LRCH3: variants seen among roughly 807,000 people sequenced by gnomAD.
The protein encoded by LRCH3 is DISP complex protein LRCH3.
A neutral mutation model predicts 104.5 loss-of-function variants in LRCH3; 68 were observed. That is an observed-to-expected ratio of 0.65 (90% CI 0.54 to 0.80). The LOEUF is 0.80. LRCH3 is among the 30% of genes least tolerant of loss of function. LRCH3 has a pLI of 0.00. For synonymous variants in LRCH3, 344 were observed against 361.3 expected, an observed-to-expected ratio of 0.95 and a Z score of 0.54; for missense variants, 951 against 953.9, an observed-to-expected ratio of 1.00 and a Z score of 0.04.
chr3:197,812,503 A>AGTTTTT (rs1560530826), intron 1 of LRCH3, among the ~76,000 whole-genome samples: 4 of 8,584 alleles, frequency 4.7e-4, no homozygotes, highest in African/African-American at 1.5e-3. Context: ...CTCTGCTTTC[A>AGTTTTT]GTTTTTTTTT....
Position 197,885,095 on chromosome 3 carries a change from A to G in LRCH3, c.*1429A>G, listed in dbSNP as rs1290134144. Reference sequence around the variant, plus strand: ...TTCCAAACCCCGTTATCTAGACATTATCAACAACAAGCCCTCTCTCTATAC... The same window carrying G: ...TTCCAAACCCCGTTATCTAGACATTGTCAACAACAAGCCCTCTCTCTATAC... On this transcript the variant is annotated 3_prime_UTR_variant, in exon 21 of 21. Coordinates refer to ENST00000425562, the MANE Select transcript of LRCH3 (RefSeq NM_001365715.1). 3 of 152,200 alleles carry G rather than the reference A, an allele frequency of 2.0e-5. No homozygotes were observed. The highest frequency in any genetic ancestry group is 7.2e-5 in the African/African-American group (3 of 41,434). The allele number at this position is 152,200 out of a possible 1,614,324, so 9.4% of individuals were successfully genotyped here. A position where few individuals can be genotyped will look rare whatever the true frequency, so the allele number is the denominator to read the frequency against.
chr3:197,887,955 GA>G lies in LRCH3; in HGVS notation c.*4292del, dbSNP rs1291803291. 1 of 152,326 alleles carries G rather than the reference GA, an allele frequency of 6.6e-6. No homozygotes were observed. Among genetic ancestry groups the G allele is most frequent in the Non-Finnish European group, 1.5e-5 (1 of 68,082 alleles). The allele number at this position is 152,326 out of a possible 1,614,324, so 9.4% of individuals were successfully genotyped here. On this transcript the variant is annotated 3_prime_UTR_variant, in exon 21 of 21. Coordinates refer to ENST00000425562, the MANE Select transcript of LRCH3 (RefSeq NM_001365715.1). ...TGTTCTCTTGTAATAGCCAGGTCTG[GA>G]AACGACCCATGGAAAGAGGGGCCTT...
chr3:197,811,935 T>G (rs1182383763), intron 1 of LRCH3, among the ~76,000 whole-genome samples: 1 of 152,206 alleles, frequency 6.6e-6, no homozygotes, highest in Non-Finnish European at 1.5e-5. Flanking sequence ...GTCCATAATT[T>G]TAGAGATTTT....
intron 4 of LRCH3, among the ~76,000 whole-genome samples, chr3:197,824,635 C>T (rs149769282): frequency 0.035 from 5,112 of 148,022 alleles, 266 homozygotes; most frequent in East Asian, 0.17. Context: ...GGCGCGATCT[C>T]GGCTCACGGT....
At chr3:197,879,612 G>A (rs991240221) in intron 20 of LRCH3, among the ~76,000 whole-genome samples, 8 of 151,738 alleles carry the variant, frequency 5.3e-5, no homozygotes, top group Non-Finnish European at 7.4e-5. Context: ...GCGAGACTCC[G>A]TCTCAAAAAA....
At chr3:197,865,376 A>G in intron 15 of LRCH3, 47 bp from the exon 16 acceptor site, 1 of 1,268,730 alleles carries the variant, frequency 7.9e-7, no homozygotes. Flanking sequence ...AGTAGAAAGT[A>G]TTTCTTCTTG....
intron 18 of LRCH3, 67 bp downstream of exon 18, chr3:197,870,345 C>A: frequency 7.2e-7 from 1 of 1,397,804 alleles, no homozygotes; most frequent in Non-Finnish European, 9.9e-7. Flanking sequence ...CCTGTGATCA[C>A]GTCTTCATTT....
At chr3:197,882,057 A>C in intron 20 of LRCH3, 1 of 985,426 alleles carries the variant, frequency 1.0e-6, no homozygotes, top group Non-Finnish European at 1.2e-6. Flanking sequence ...GAGTTGAAAC[A>C]CCTGTTAAAA....
At chr3:197,882,109 A>G in intron 20 of LRCH3, 1 of 985,438 alleles carries the variant, frequency 1.0e-6, no homozygotes, top group Non-Finnish European at 1.2e-6. Flanking sequence ...TTGTAATTGT[A>G]CATTCTCTTG....
At chr3:197,867,877 A>G (rs1711537807) in intron 17 of LRCH3, among the ~76,000 whole-genome samples, 1 of 151,610 alleles carries the variant, frequency 6.6e-6, no homozygotes, top group Non-Finnish European at 1.5e-5. Context: ...AAACAAACAA[A>G]AAAAGGCATG....
intron 1 of LRCH3, among the ~76,000 whole-genome samples, chr3:197,811,556 G>T (rs1469682563): frequency 2.0e-5 from 3 of 152,118 alleles, no homozygotes; most frequent in Non-Finnish European, 2.9e-5. Context: ...ACCGCCTGGA[G>T]GAGTTATTAG....
At position 197,815,020 on chromosome 3, in the gene LRCH3, A is replaced by G; in HGVS notation, c.375A>G (p.Leu125=). Residue 125 remains leucine (L), a synonymous_variant, in exon 2 of 21, where the codon TTA becomes TTG. Coordinates refer to ENST00000425562, the MANE Select transcript of LRCH3 (RefSeq NM_001365715.1). ...NCIRYIPEAI[L]NLQALTFLNI... ...TTCGTTATATTCCAGAGGCAATTTT[A>G]AACCTACAAGCTCTAACATTCTTAA... is the stretch of plus-strand genomic sequence containing the variant. 1 of 1,548,554 alleles carries G rather than the reference A, an allele frequency of 6.5e-7. No homozygotes were observed. The highest frequency in any genetic ancestry group is 8.8e-7 in the Non-Finnish European group (1 of 1,130,762).
At chr3:197,801,502 C>T (rs952343696) in intron 1 of LRCH3, among the ~76,000 whole-genome samples, 1 of 152,134 alleles carries the variant, frequency 6.6e-6, no homozygotes, top group African/African-American at 2.4e-5. Context: ...TTTGTTGAGG[C>T]TAACTTCTTC....
At chr3:197,850,351 CTTTTT>C in intron 12 of LRCH3, 66 of 618,288 alleles carry the variant, frequency 1.1e-4, no homozygotes, top group African/African-American at 1.1e-4. Context: ...ACCATTTTTT[CTTTTT>C]TTTTTTTTTT....
intron 1 of LRCH3, among the ~76,000 whole-genome samples, chr3:197,807,285 C>T (rs954287882): frequency 1.9e-4 from 28 of 150,382 alleles, no homozygotes; most frequent in Non-Finnish European, 3.4e-4. Flanking sequence ...GGCGCGATCT[C>T]GGGTCACTGC....
At chr3:197,853,005 A>T (rs1739822136) in intron 13 of LRCH3, among the ~76,000 whole-genome samples, 1 of 152,228 alleles carries the variant, frequency 6.6e-6, no homozygotes, top group Non-Finnish European at 1.5e-5. Context: ...TATCAATGAT[A>T]ACACTTATTT....
intron 1 of LRCH3, among the ~76,000 whole-genome samples, chr3:197,798,693 G>T (rs1731543728): frequency 6.6e-6 from 1 of 152,200 alleles, no homozygotes; most frequent in Non-Finnish European, 1.5e-5. Context: ...ATACGGACTA[G>T]AGTACCAGGT....
At chr3:197,862,786 A>C (rs1741035746) in intron 15 of LRCH3, among the ~76,000 whole-genome samples, 1 of 152,142 alleles carries the variant, frequency 6.6e-6, no homozygotes, top group Non-Finnish European at 1.5e-5. Flanking sequence ...TTTTCTCAAC[A>C]CCCAGAACTT....
In LRCH3 at chr3:197,883,316, G is replaced by A; in HGVS notation, c.2209-225G>A. 1 of 1,307,498 alleles carries A rather than the reference G, an allele frequency of 7.6e-7. No individual in the cohort carries two copies. Among genetic ancestry groups the A allele is most frequent in the Non-Finnish European group, 9.7e-7 (1 of 1,026,822 alleles). 81.0% of individuals were successfully genotyped at this position (1,307,498 alleles called of 1,614,324 possible). The stretch of plus-strand genomic sequence containing the variant: ...TGCTACTTGTCAATTTTCCAATTTT[G>A]AAAATGATCTGTATGTACTTTTAGT... On this transcript the variant is annotated intron_variant, in intron 20 of 20. Coordinates refer to ENST00000425562, the MANE Select transcript of LRCH3 (RefSeq NM_001365715.1). The surrounding 1 kb of genome is among the most constrained non-coding windows in gnomAD (Gnocchi z 4.2).
Sources: gnomAD v4.1 joint callset for allele counts (sites outside exome capture counted in the v4.1 genomes callset) on GRCh38, gnomAD v4.1.1 for gene constraint, Gnocchi (gnomAD v3.1) non-coding constraint, MANE v1.5 for transcripts, NCBI Gene and HGNC (gene_info 2026-07-23, HGNC 2026-07-21) for gene names.